Variants in PXK observed in about 807,000 individuals in gnomAD.
PXK encodes PX domain-containing protein kinase-like protein.
A neutral mutation model predicts 84.7 loss-of-function variants in PXK; 35 were observed. That is an observed-to-expected ratio of 0.41 (90% CI 0.32 to 0.55). The LOEUF is 0.55. Among genes scored for constraint, PXK ranks in the 20% least tolerant of loss-of-function variants. The pLI is 0.21. For missense variants in PXK, 634 were observed against 699.7 expected, an observed-to-expected ratio of 0.91 and a Z score of 1.06; for synonymous variants, 253 against 260.8, an observed-to-expected ratio of 0.97 and a Z score of 0.29.
chr3:58,419,205 C>T (rs1379712805), intron 17 of PXK, among the ~76,000 whole-genome samples: 1 of 152,226 alleles, frequency 6.6e-6, no homozygotes, highest in African/African-American at 2.4e-5. Flanking sequence ...AGGACTCTCT[C>T]TGGAATGGGG....
In PXK at chr3:58,364,720, A is replaced by C. The variant is rs2098244816; in HGVS notation, c.103-1154A>C. 1.3e-5 allele frequency among the ~76,000 whole-genome samples: 2 copies of C among 152,152 alleles called. No homozygotes were observed. The highest frequency in any genetic ancestry group is 4.8e-5 in the African/African-American group (2 of 41,418). On this transcript the variant is annotated intron_variant, in intron 1 of 17. Coordinates refer to ENST00000356151, the MANE Select transcript of PXK (RefSeq NM_017771.5). The surrounding 1 kb of genome is among the most constrained non-coding windows in gnomAD (Gnocchi z 4.3). ...GAGTGAGACTCGGTCTCAAAAAAAA[A>C]AAATCATTATGAAGATCAAATTATG... is the stretch of plus-strand genomic sequence containing the variant.
chr3:58,334,941 G>T (rs1028897386), intron 1 of PXK, among the ~76,000 whole-genome samples: 1 of 132,874 alleles, frequency 7.5e-6, no homozygotes, highest in Non-Finnish European at 1.6e-5. Context: ...GTGTGTGTGT[G>T]TGTGTGTGTG....
rs2107236298 is a variant in PXK, at chr3:58,399,189, T to C, written c.1103-110T>C. On this transcript the variant is annotated intron_variant, in intron 11 of 17. Transcript: ENST00000356151. This position sits in a 1 kb window ranked among gnomAD's most constrained non-coding sequence, Gnocchi z 4.3. ...CTGTGTGTGAAGATTTTTGACACTG[T>C]CCTGATCAGCCCGCAGACAGTTATT... is the stretch of plus-strand genomic sequence containing the variant. 2 of 924,304 alleles carry C rather than the reference T, an allele frequency of 2.2e-6. No homozygotes were observed. Among genetic ancestry groups the C allele is most frequent in the Non-Finnish European group, 3.5e-6 (2 of 572,014 alleles). 57.3% of individuals were successfully genotyped at this position (924,304 alleles called of 1,614,324 possible).
chr3:58,415,056 G>A lies in PXK; in HGVS notation c.1528+2093G>A, dbSNP rs1191907089. 3.3e-5 allele frequency among the ~76,000 whole-genome samples: 5 copies of A among 152,134 alleles called. No homozygotes were observed. The East Asian group carries it at 9.6e-4, about 29-fold the overall frequency. ...CAGAAGCTCCAAAATGATAGACACT[G>A]TTTAGGAAAAACTCACACTCAAAAG... On this transcript the variant is annotated intron_variant, in intron 17 of 17. Transcript: ENST00000356151.
At chr3:58,375,754 G>T (rs560020994) in intron 3 of PXK, among the ~76,000 whole-genome samples, 1 of 152,160 alleles carries the variant, frequency 6.6e-6, no homozygotes, top group African/African-American at 2.4e-5. Flanking sequence ...ACATGGGATG[G>T]GTTCCGGCCA....
Position 58,397,523 on chromosome 3 carries a change from T to A in PXK, c.985-82T>A, listed in dbSNP as rs1222918094. ...CGGGGCTATCCCTGGGCTTTGTTTCTCAGAGAAGCCTTGGGGCAGGAGCGC... is the reference window on the plus strand; with the variant it reads ...CGGGGCTATCCCTGGGCTTTGTTTCACAGAGAAGCCTTGGGGCAGGAGCGC... On this transcript the variant is annotated intron_variant, in intron 10 of 17. Transcript: ENST00000356151. The surrounding 1 kb of genome is among the most constrained non-coding windows in gnomAD (Gnocchi z 4.7). The A allele has an allele frequency of 8.3e-7, 1 of 1,201,402 alleles. No individual in the cohort carries two copies. Among genetic ancestry groups the A allele is most frequent in the Non-Finnish European group, 1.2e-6 (1 of 809,078 alleles). 74.4% of individuals were successfully genotyped at this position (1,201,402 alleles called of 1,614,324 possible). A position where few individuals can be genotyped will look rare whatever the true frequency, so the allele number is the denominator to read the frequency against.
At chr3:58,359,529 CAAA>C (rs1166326356) in intron 1 of PXK, among the ~76,000 whole-genome samples, 8 of 77,072 alleles carry the variant, frequency 1.0e-4, no homozygotes, top group Admixed American at 4.6e-4. Context: ...GACTCTGTCT[CAAA>C]AAAAAAAAAA....
chr3:58,399,648 A>G lies in PXK; in HGVS notation c.1181+271A>G, dbSNP rs1341301685. Among the ~76,000 whole-genome samples, 1 of 152,090 alleles carries G rather than the reference A, an allele frequency of 6.6e-6. No homozygotes were observed. Among genetic ancestry groups the G allele is most frequent in the East Asian group, 1.9e-4 (1 of 5,178 alleles). On this transcript the variant is annotated intron_variant, in intron 12 of 17. Transcript: ENST00000356151. This position sits in a 1 kb window ranked among gnomAD's most constrained non-coding sequence, Gnocchi z 4.3. ...TAGCATTGTGTGTACGTACATTAGC[A>G]TTGGGTGTGCGTATGTGTCGCAGCC...
Position 58,412,587 on chromosome 3 carries a change from G to C in PXK, c.1466-314G>C, listed in dbSNP as rs2107622985. The stretch of plus-strand genomic sequence containing the variant: ...CATTTGTCATTACCCAGGAGTGGAG[G>C]TTGCGTCAGGAAGAGATACTGCAGC... On this transcript the variant is annotated intron_variant, in intron 16 of 17. Transcript: ENST00000356151. This position sits in a 1 kb window ranked among gnomAD's most constrained non-coding sequence, Gnocchi z 6.2. 6.6e-6 allele frequency among the ~76,000 whole-genome samples: 1 copy of C among 152,282 alleles called. No homozygotes were observed. Among genetic ancestry groups the C allele is most frequent in the East Asian group, 1.9e-4 (1 of 5,188 alleles).
chr3:58,340,116 C>A (rs890280614), intron 1 of PXK, among the ~76,000 whole-genome samples: 1 of 144,216 alleles, frequency 6.9e-6, no homozygotes, highest in Non-Finnish European at 1.5e-5. Context: ...CTGCGCCTGG[C>A]CGATTTTTTT....
chr3:58,342,124 A>G (rs1032793129), intron 1 of PXK, among the ~76,000 whole-genome samples: 5 of 152,152 alleles, frequency 3.3e-5, no homozygotes, highest in Non-Finnish European at 5.9e-5. Flanking sequence ...CTGATTACCA[A>G]ACTCCAAGAA....
At chr3:58,352,233 T>G (rs538381568) in intron 1 of PXK, among the ~76,000 whole-genome samples, 1 of 152,248 alleles carries the variant, frequency 6.6e-6, no homozygotes, top group African/African-American at 2.4e-5. Flanking sequence ...GGGCCTGTCT[T>G]TGAGGCAGTG....
At chr3:58,402,674 A>G (rs1178597512) in intron 12 of PXK, among the ~76,000 whole-genome samples, 1 of 148,282 alleles carries the variant, frequency 6.7e-6, no homozygotes, top group Non-Finnish European at 1.5e-5. Context: ...CAGGTGATCC[A>G]CCTGCCTCAG....
chr3:58,349,512 C>T (rs900391140), intron 1 of PXK, among the ~76,000 whole-genome samples: 18 of 152,104 alleles, frequency 1.2e-4, no homozygotes, highest in African/African-American at 4.1e-4. Context: ...CCTGCCACCA[C>T]GCCTGGCTAA....
chr3:58,382,826 T>G, intron 4 of PXK, 126 bp downstream of exon 4: 2 of 664,512 alleles, frequency 3.0e-6, no homozygotes, highest in Non-Finnish European at 4.5e-6. Flanking sequence ...TATAGCATAT[T>G]ATGAATTTAC....
Position 58,400,420 on chromosome 3 carries a change from T to G in PXK, c.1181+1043T>G, listed in dbSNP as rs766576079. Among the ~76,000 whole-genome samples the G allele has an allele frequency of 6.6e-6, 1 of 151,686 alleles. No individual in the cohort carries two copies. On this transcript the variant is annotated intron_variant, in intron 12 of 17. Transcript: ENST00000356151. The surrounding 1 kb of genome is among the most constrained non-coding windows in gnomAD (Gnocchi z 4.0). The stretch of plus-strand genomic sequence containing the variant: ...CAGCTTGAAGGGCATGTAGCCAGAG[T>G]TCAGAGAAGGTAGAGATAACTTCCG...
rs111264652 is a variant in PXK at position 58,365,933 on chromosome 3, C to CTTT, written c.153+22_153+24dup. On this transcript the variant is annotated intron_variant, in intron 2 of 17. Transcript: ENST00000356151. The stretch of plus-strand genomic sequence containing the variant: ...TGGAAAACAGCTGGCAGGTAAGCAT[C>CTTT]TTTTTTTTTTTTTTTGTCAATTAGA... The CTTT allele has an allele frequency of 6.5e-3, 9,054 of 1,388,516 alleles. 12 individuals are homozygous for CTTT. Among genetic ancestry groups the CTTT allele is most frequent in the South Asian group, 0.01 (716 of 69,556 alleles). 86.0% of individuals were successfully genotyped at this position (1,388,516 alleles called of 1,614,324 possible).
At chr3:58,342,848 C>T (rs2097761575) in intron 1 of PXK, among the ~76,000 whole-genome samples, 1 of 152,056 alleles carries the variant, frequency 6.6e-6, no homozygotes, top group South Asian at 2.1e-4. Context: ...TTGCAGCTTG[C>T]CTGGCGCGTT....
rs1026152169 is a variant in PXK, at chr3:58,370,184, A to T, written c.201+706A>T. On this transcript the variant is annotated intron_variant, in intron 3 of 17. Coordinates refer to ENST00000356151, the MANE Select transcript of PXK (RefSeq NM_017771.5). This position sits in a 1 kb window ranked among gnomAD's most constrained non-coding sequence, Gnocchi z 4.2. ...GCTCTGCGGATCAACATGCAGCAGT[A>T]ACTGAGAGTCTCAACCTTTTTCTGT... 1.3e-5 allele frequency among the ~76,000 whole-genome samples: 2 copies of T among 152,242 alleles called. No homozygotes were observed. The highest frequency in any genetic ancestry group is 4.8e-5 in the African/African-American group (2 of 41,466).
Sources: allele counts gnomAD v4.1 joint callset (sites outside exome capture counted in the v4.1 genomes callset), GRCh38; gene constraint gnomAD v4.1.1; non-coding constraint Gnocchi (gnomAD v3.1); transcripts MANE v1.5; gene names NCBI Gene and HGNC (gene_info 2026-07-23, HGNC 2026-07-21).